The following MOB3B variants were observed in gnomAD, a reference collection of about 807,000 sequenced individuals.
MOB3B encodes MOB kinase activator-like 2B.
Under a neutral mutation model 18.7 loss-of-function variants are expected in MOB3B, and 7 were observed. The observed-to-expected ratio is 0.37, with a 90% confidence interval of 0.21 to 0.70. The LOEUF is 0.70. MOB3B is among the 30% of genes least tolerant of loss of function. The probability of loss-of-function intolerance (pLI) is 0.52; values close to 1 mark genes in which losing one functional copy is unlikely to be tolerated. For missense variants in MOB3B, 253 were observed against 281.3 expected, an observed-to-expected ratio of 0.90 and a Z score of 0.72; for synonymous variants, 111 against 99.9, an observed-to-expected ratio of 1.11 and a Z score of -0.66.
chr9:27,479,806 C>T (rs933728818), intron 1 of MOB3B, among the ~76,000 whole-genome samples: 3 of 152,092 alleles, frequency 2.0e-5, no homozygotes, highest in Non-Finnish European at 4.4e-5. Context: ...AAGCTAAGCT[C>T]GTGCTTTGGG....
intron 1 of MOB3B, among the ~76,000 whole-genome samples, chr9:27,467,611 A>G (rs1017967767): frequency 6.6e-6 from 1 of 152,244 alleles, no homozygotes; most frequent in Non-Finnish European, 1.5e-5. Flanking sequence ...GCATCCTACT[A>G]TCCTCTCTAT....
chr9:27,502,103 A>C (rs527655844), intron 1 of MOB3B, among the ~76,000 whole-genome samples: 71 of 152,278 alleles, frequency 4.7e-4, no homozygotes, highest in African/African-American at 1.7e-3. Context: ...CAAATGTGAC[A>C]GATCTCCAGT....
At chr9:27,506,762 C>T (rs1188692880) in intron 1 of MOB3B, among the ~76,000 whole-genome samples, 8 of 151,474 alleles carry the variant, frequency 5.3e-5, no homozygotes, top group Middle Eastern at 3.4e-3. Context: ...GATCTCCTGA[C>T]CTCGTGATCC....
chr9:27,428,934 A>T (rs982169797), intron 2 of MOB3B, among the ~76,000 whole-genome samples: 1 of 152,208 alleles, frequency 6.6e-6, no homozygotes, highest in African/African-American at 2.4e-5. Context: ...CTTTCCCACC[A>T]CCTGGTGGAA....
chr9:27,523,829 A>G lies in MOB3B; in HGVS notation c.-199+5726T>C, dbSNP rs1820380745. ...TGTGCTCTGGTGACCTAGCAATCAA[A>G]TAATCACAGTCATTTGGTCAATGTC... On this transcript the variant is annotated intron_variant, in intron 1 of 3. Coordinates refer to ENST00000262244, the MANE Select transcript of MOB3B (RefSeq NM_024761.5). Among the ~76,000 whole-genome samples the G allele has an allele frequency of 3.9e-5, 6 of 152,224 alleles. No homozygotes were observed. In the South Asian group the frequency reaches 1.2e-3, roughly 32 times the overall value.
At chr9:27,379,897 C>G (rs1433334407) in intron 2 of MOB3B, among the ~76,000 whole-genome samples, 1 of 152,176 alleles carries the variant, frequency 6.6e-6, no homozygotes, top group African/African-American at 2.4e-5. Flanking sequence ...CTAGGTAAAT[C>G]TTACTGCTAT....
intron 1 of MOB3B, among the ~76,000 whole-genome samples, chr9:27,462,227 T>A (rs1402004870): frequency 6.6e-6 from 1 of 152,274 alleles, no homozygotes; most frequent in African/African-American, 2.4e-5. Context: ...TGATTTTTTT[T>A]AAAAGAAAGA....
intron 1 of MOB3B, among the ~76,000 whole-genome samples, chr9:27,506,274 G>C (rs764919649): frequency 2.0e-4 from 30 of 152,082 alleles, no homozygotes; most frequent in Non-Finnish European, 3.1e-4. Flanking sequence ...CCAATTAAGA[G>C]GCTTTTAATT....
At chr9:27,398,221 C>T (rs1292578973) in intron 2 of MOB3B, among the ~76,000 whole-genome samples, 3 of 152,156 alleles carry the variant, frequency 2.0e-5, no homozygotes, top group East Asian at 1.9e-4. Context: ...AGAGATGTCT[C>T]CTGAAATGTA....
intron 2 of MOB3B, among the ~76,000 whole-genome samples, chr9:27,372,054 G>C (rs946616872): frequency 4.6e-5 from 7 of 152,180 alleles, no homozygotes; most frequent in African/African-American, 1.7e-4. Flanking sequence ...CTGAGCACAT[G>C]AAACACATGG....
chr9:27,340,995 T>C (rs1445757211), intron 3 of MOB3B, among the ~76,000 whole-genome samples: 3 of 152,228 alleles, frequency 2.0e-5, no homozygotes, highest in African/African-American at 7.2e-5. Context: ...CTTTGAGGAA[T>C]GAAACAGATT....
intron 2 of MOB3B, among the ~76,000 whole-genome samples, chr9:27,435,478 C>A (rs918779501): frequency 6.6e-6 from 1 of 152,182 alleles, no homozygotes; most frequent in African/African-American, 2.4e-5. Flanking sequence ...ATCCTTGCCC[C>A]TCCCCAGTCT....
intron 2 of MOB3B, among the ~76,000 whole-genome samples, chr9:27,413,911 A>G (rs1822110180): frequency 6.6e-6 from 1 of 152,250 alleles, no homozygotes; most frequent in Non-Finnish European, 1.5e-5. Context: ...GCTATTTAAA[A>G]ATAGTCTTCC....
At chr9:27,385,352 C>A (rs539220180) in intron 2 of MOB3B, among the ~76,000 whole-genome samples, 12 of 152,196 alleles carry the variant, frequency 7.9e-5, no homozygotes, top group African/African-American at 2.9e-4. Context: ...TACGAGGTAA[C>A]CATGAGACAG....
At chr9:27,405,573 C>CT (rs370994998) in intron 2 of MOB3B, among the ~76,000 whole-genome samples, 137 of 152,212 alleles carry the variant, frequency 9.0e-4, no homozygotes, top group African/African-American at 2.9e-3. Context: ...TGTGCAGAAG[C>CT]TTTTTAGCTT....
Position 27,330,579 on chromosome 9 carries a change from GT to G in MOB3B, c.*7del, listed in dbSNP as rs766593518. 38 of 1,613,820 alleles carry G rather than the reference GT, an allele frequency of 2.4e-5. No homozygotes were observed. Among genetic ancestry groups the G allele is most frequent in the Non-Finnish European group, 3.0e-5 (35 of 1,179,964 alleles). Reference sequence around the variant, plus strand: ...GCTTTCCTTTCTTCCAAAGGGTGAGGTGGAGCATTAGTGACACATCCTGCTC... The same window carrying G: ...GCTTTCCTTTCTTCCAAAGGGTGAGGGGAGCATTAGTGACACATCCTGCTC... On this transcript the variant is annotated 3_prime_UTR_variant, in exon 4 of 4. Coordinates refer to ENST00000262244, the MANE Select transcript of MOB3B (RefSeq NM_024761.5).
chr9:27,419,416 G>C (rs10967931), intron 2 of MOB3B, among the ~76,000 whole-genome samples: 83,545 of 152,006 alleles, frequency 0.55, 24,231 homozygotes, highest in South Asian at 0.69. Flanking sequence ...TACCATAAGG[G>C]CATAGTCACC....
intron 2 of MOB3B, among the ~76,000 whole-genome samples, chr9:27,423,966 T>C (rs906128300): frequency 3.9e-5 from 6 of 152,220 alleles, no homozygotes; most frequent in Non-Finnish European, 7.3e-5. Flanking sequence ...ATTAAGTTAC[T>C]TTCTCCAGGT....
chr9:27,417,230 G>A (rs1822164911), intron 2 of MOB3B, among the ~76,000 whole-genome samples: 1 of 152,160 alleles, frequency 6.6e-6, no homozygotes, highest in Non-Finnish European at 1.5e-5. Context: ...CAGGCGTGGT[G>A]GCGGGCACCT....
Sources: gnomAD v4.1 joint callset for allele counts (sites outside exome capture counted in the v4.1 genomes callset) on GRCh38, gnomAD v4.1.1 for gene constraint, MANE v1.5 for transcripts, NCBI Gene and HGNC (gene_info 2026-07-23, HGNC 2026-07-21) for gene names.